Variants in GDPGP1 observed in about 807,000 individuals in gnomAD.
GDPGP1 encodes the protein GDP-D-glucose phosphorylase 1.
GDPGP1 carries 18 observed loss-of-function variants against 19.2 expected under a neutral mutation model. The observed-to-expected ratio is 0.94, with a 90% CI of 0.65 to 1.39. The LOEUF is 1.39. Among genes scored for constraint, GDPGP1 ranks in the 40% most tolerant of loss-of-function variants. GDPGP1 has a pLI of 0.00. For missense variants in GDPGP1, 449 were observed against 490.5 expected (o/e 0.92, Z 0.80); for synonymous variants, 219 against 208.9 (o/e 1.05, Z -0.42).
In GDPGP1 at chr15:90,244,390, G is replaced by A. The variant is rs532759888; in HGVS notation, c.*2324G>A. On this transcript the variant is annotated 3_prime_UTR_variant, in exon 4 of 4. Coordinates refer to ENST00000329600, the MANE Select transcript of GDPGP1 (RefSeq NM_001013657.3). ...GTGGGAAATTTTTTTTTATCTCATT[G>A]CTTTGTTCTGTCCTGTTTCTCCAGA... is the stretch of plus-strand genomic sequence containing the variant. 1.3e-5 allele frequency: 2 copies of A among 152,142 alleles called. No individual in the cohort carries two copies. The highest frequency in any genetic ancestry group is 2.4e-5 in the African/African-American group (1 of 41,418). 9.4% of individuals were successfully genotyped at this position (152,142 alleles called of 1,614,324 possible). A position where few individuals can be genotyped will look rare whatever the true frequency, so the allele number is the denominator to read the frequency against.
rs1213246239 is a variant in GDPGP1, at chr15:90,234,553, C to G, written c.-110C>G. On this transcript the variant is annotated 5_prime_UTR_variant, in exon 2 of 4. Coordinates refer to ENST00000329600, the MANE Select transcript of GDPGP1 (RefSeq NM_001013657.3). ...TACTGAGGACCCACTGGATGTCAAG[C>G]ATTGTGCATAGTTTTCTTCGATTGT... 6.6e-6 allele frequency: 1 copy of G among 152,240 alleles called. No individual in the cohort carries two copies. 9.4% of individuals were successfully genotyped at this position (152,240 alleles called of 1,614,324 possible). A position where few individuals can be genotyped will look rare whatever the true frequency, so the allele number is the denominator to read the frequency against.
At chr15:90,239,746 T>C (rs76950041) in intron 3 of GDPGP1, among the ~76,000 whole-genome samples, 3,691 of 152,338 alleles carry the variant, frequency 0.024, 142 homozygotes, top group African/African-American at 0.08. Context: ...TTCACTCTTA[T>C]TGTCCAGGCT....
intron 2 of GDPGP1, among the ~76,000 whole-genome samples, chr15:90,237,984 G>A (rs1412701779): frequency 4.6e-5 from 7 of 152,154 alleles, no homozygotes; most frequent in Admixed American, 4.6e-4. Context: ...TGCAGCTCCA[G>A]CTCAAAGGAT....
Position 90,242,714 on chromosome 15 carries a change from TG to T in GDPGP1, c.*651del, listed in dbSNP as rs967478637. 1.3e-5 allele frequency: 2 copies of T among 152,594 alleles called. No individual in the cohort carries two copies. The highest frequency in any genetic ancestry group is 4.8e-5 in the African/African-American group (2 of 41,464). The allele number at this position is 152,594 out of a possible 1,614,324, so 9.5% of individuals were successfully genotyped here. A position where few individuals can be genotyped will look rare whatever the true frequency, so the allele number is the denominator to read the frequency against. ...CGCCCGCCTCGGCCTCCCAAAGTGC[TG>T]GGATTACAGGCGTGAGCCACCACAC... On this transcript the variant is annotated 3_prime_UTR_variant, in exon 4 of 4. Transcript: ENST00000329600.
At position 90,241,564 on chromosome 15, in the gene GDPGP1, T is replaced by C; in HGVS notation, c.656T>C (p.Leu219Pro). 1.2e-6 allele frequency: 2 copies of C among 1,613,342 alleles called. No individual in the cohort carries two copies. Among genetic ancestry groups the C allele is most frequent in the South Asian group, 2.2e-5 (2 of 91,088 alleles). ...TTGGCCTCGGTGAACCACCTCCACC[T>C]GCATGGCTATTACCTGGCCCACAGA... The part of the protein sequence containing the change: ...GGLASVNHLH[L>P]HGYYLAHRLP... The change falls in exon 4 of 4, where the codon CTG becomes CCG. Residue 219 changes from leucine (L) to proline (P), a missense_variant. Coordinates refer to ENST00000329600, the MANE Select transcript of GDPGP1 (RefSeq NM_001013657.3).
At position 90,242,297 on chromosome 15, in the gene GDPGP1, T is replaced by G; in HGVS notation, c.*231T>G. 3.2e-6 allele frequency: 1 copy of G among 311,944 alleles called. No homozygotes were observed. Among genetic ancestry groups the G allele is most frequent in the Non-Finnish European group, 5.7e-6 (1 of 175,912 alleles). 19.3% of individuals were successfully genotyped at this position (311,944 alleles called of 1,614,324 possible). A position where few individuals can be genotyped will look rare whatever the true frequency, so the allele number is the denominator to read the frequency against. ...TTTTTTTAACGATTAGGTGATTTTG[T>G]ATTTTTTTATATAGACAGCGTTTCA... On this transcript the variant is annotated 3_prime_UTR_variant, in exon 4 of 4. Coordinates refer to ENST00000329600, the MANE Select transcript of GDPGP1 (RefSeq NM_001013657.3).
At chr15:90,234,408 G>GC (rs1962588220) in intron 1 of GDPGP1, 114 bp from the exon 2 acceptor site, 1 of 152,804 alleles carries the variant, frequency 6.5e-6, no homozygotes, top group South Asian at 2.1e-4. Flanking sequence ...GTCGTCGGCT[G>GC]CCCCTCTGCC....
chr15:90,240,846 A>G, intron 3 of GDPGP1, 54 bp from the exon 4 acceptor site: 1 of 1,076,880 alleles, frequency 9.3e-7, no homozygotes. Flanking sequence ...ATACAATGAC[A>G]ATCTCTGGAG....
At chr15:90,235,535 A>T (rs1962615407) in intron 2 of GDPGP1, among the ~76,000 whole-genome samples, 1 of 152,064 alleles carries the variant, frequency 6.6e-6, no homozygotes, top group African/African-American at 2.4e-5. Flanking sequence ...ATAAAAAAAA[A>T]TAACTAGGGT....
chr15:90,236,464 G>T (rs1261416840), intron 2 of GDPGP1, among the ~76,000 whole-genome samples: 3 of 152,168 alleles, frequency 2.0e-5, no homozygotes, highest in Non-Finnish European at 4.4e-5. Flanking sequence ...TTTTCATTTT[G>T]CTTCCTGATT....
intron 3 of GDPGP1, among the ~76,000 whole-genome samples, chr15:90,239,935 A>G (rs1434381558): frequency 1.3e-5 from 2 of 151,686 alleles, no homozygotes; most frequent in Non-Finnish European, 2.9e-5. Flanking sequence ...AAAATAAAAT[A>G]GGCCGTGGCT....
rs781206862 is a variant in GDPGP1 at position 90,241,373 on chromosome 15, G to A, written c.465G>A (p.Val155=). 2.5e-6 allele frequency: 4 copies of A among 1,614,128 alleles called. No homozygotes were observed. The Admixed American group carries it at 5.0e-5, about 20-fold the overall frequency. Residue 155 remains valine, a synonymous_variant, in exon 4 of 4, where the codon GTG becomes GTA. Coordinates refer to ENST00000329600, the MANE Select transcript of GDPGP1 (RefSeq NM_001013657.3). The stretch of plus-strand genomic sequence containing the variant: ...CTCTGCTGCAAGAAGACATCCTGGT[G>A]GTGATCAACGTCAGCCCCCTGGAGT... ...PGTLLQEDIL[V]VINVSPLEWG... is the part of the protein sequence containing the mutation.
chr15:90,234,252 G>A lies in GDPGP1; in HGVS notation c.-182G>A, dbSNP rs564860795. On this transcript the variant is annotated 5_prime_UTR_variant, in exon 1 of 4. Coordinates refer to ENST00000329600, the MANE Select transcript of GDPGP1 (RefSeq NM_001013657.3). ...ATGACCTCGCTGTGGCCCCGGCAGC[G>A]GCTGCGGGGAAAGTCGCGAGGTGCA... 3 of 220,990 alleles carry A rather than the reference G, an allele frequency of 1.4e-5. No homozygotes were observed. The highest frequency in any genetic ancestry group is 2.6e-5 in the Non-Finnish European group (3 of 113,358). The allele number at this position is 220,990 out of a possible 1,614,324, so 13.7% of individuals were successfully genotyped here.
chr15:90,239,204 A>G (rs1244536154), intron 3 of GDPGP1, among the ~76,000 whole-genome samples: 1 of 152,182 alleles, frequency 6.6e-6, no homozygotes, highest in East Asian at 1.9e-4. Context: ...GCATTATAAC[A>G]AAGGGTTATA....
At chr15:90,239,518 A>G (rs1962705782) in intron 3 of GDPGP1, among the ~76,000 whole-genome samples, 1 of 152,212 alleles carries the variant, frequency 6.6e-6, no homozygotes, top group African/African-American at 2.4e-5. Context: ...GGAGATGTGC[A>G]GAGCAAAGAG....
In GDPGP1 at chr15:90,241,933, A is replaced by G. The variant is rs1317349572; in HGVS notation, c.1025A>G (p.Lys342Arg). 1.2e-6 allele frequency: 2 copies of G among 1,614,144 alleles called. No homozygotes were observed. Among genetic ancestry groups the G allele is most frequent in the South Asian group, 2.2e-5 (2 of 91,078 alleles). Residue 342 changes from lysine (K) to arginine (R), a missense_variant, in exon 4 of 4, where the codon AAA becomes AGA. Lys to Arg is a conservative substitution (Grantham distance 26). Transcript: ENST00000329600. ...LCELAGHLPV[K>R]TSQDFSSLTE... ...GAGCTGGCTGGGCACCTCCCTGTCA[A>G]AACATCCCAGGACTTCAGCAGCCTG... is the stretch of plus-strand genomic sequence containing the variant.
Position 90,245,070 on chromosome 15 carries a change from G to C in GDPGP1, c.*3004G>C, listed in dbSNP as rs775543307. 6.6e-6 allele frequency: 1 copy of C among 152,224 alleles called. No individual in the cohort carries two copies. The highest frequency in any genetic ancestry group is 1.5e-5 in the Non-Finnish European group (1 of 68,054). The allele number at this position is 152,224 out of a possible 1,614,324, so 9.4% of individuals were successfully genotyped here. A position where few individuals can be genotyped will look rare whatever the true frequency, so the allele number is the denominator to read the frequency against. ...TCAGGTCGTTGGCTCCCTATACCTA[G>C]GCCTGTATAAAGCCTTAGTTTCCAG... On this transcript the variant is annotated 3_prime_UTR_variant, in exon 4 of 4. Transcript: ENST00000329600.
intron 2 of GDPGP1, among the ~76,000 whole-genome samples, chr15:90,236,415 C>T (rs892709008): frequency 6.6e-6 from 1 of 152,254 alleles, no homozygotes; most frequent in African/African-American, 2.4e-5. Context: ...CTCTCAGTCA[C>T]TTCACTTGGC....
chr15:90,238,300 TA>T (rs529066806), intron 2 of GDPGP1, among the ~76,000 whole-genome samples, 191 bp from the exon 3 acceptor site: 1 of 150,258 alleles, frequency 6.7e-6, no homozygotes, highest in African/African-American at 2.4e-5. Flanking sequence ...ATTCTGTCTT[TA>T]AAAAAAAAAT....
Sources: gnomAD v4.1 joint callset for allele counts (sites outside exome capture counted in the v4.1 genomes callset) on GRCh38, gnomAD v4.1.1 for gene constraint, MANE v1.5 for transcripts, NCBI Gene and HGNC (gene_info 2026-07-23, HGNC 2026-07-21) for gene names.